SMC6: variants seen among roughly 807,000 people sequenced by gnomAD.
The protein encoded by SMC6 is structural maintenance of chromosomes protein 6.
Under a neutral mutation model 142.2 loss-of-function variants are expected in SMC6, and 79 were observed. The observed-to-expected ratio is 0.56, with a 90% CI of 0.46 to 0.67. The LOEUF (loss-of-function observed/expected upper bound fraction) is 0.67, where lower values mean the gene tolerates loss of function less well. Among genes scored for constraint, SMC6 ranks in the 30% least tolerant of loss-of-function variants. The probability of loss-of-function intolerance (pLI) is 0.00; values close to 1 mark genes in which losing one functional copy is unlikely to be tolerated. For missense variants in SMC6, 1,072 were observed against 1,284.0 expected (o/e 0.83, Z 2.52); for synonymous variants, 411 against 412.4 (o/e 1.00, Z 0.04).
intron 23 of SMC6, among the ~76,000 whole-genome samples, chr2:17,690,986 T>C (rs1364646676): frequency 6.6e-6 from 1 of 151,232 alleles, no homozygotes; most frequent in Admixed American, 6.6e-5. Context: ...ACATATAAAA[T>C]AATGCGCATT....
chr2:17,741,508 G>GA (rs2125073272), intron 4 of SMC6, 104 bp downstream of exon 4: 2 of 666,460 alleles, frequency 3.0e-6, no homozygotes, highest in Admixed American at 2.7e-5. Context: ...TACATCTATA[G>GA]AAAAAATACT....
Position 17,664,008 on chromosome 2 carries a change from T to C in SMC6, c.*1491A>G, listed in dbSNP as rs1320488018. 1.3e-5 allele frequency: 2 copies of C among 152,228 alleles called. No homozygotes were observed. Among genetic ancestry groups the C allele is most frequent in the Non-Finnish European group, 2.9e-5 (2 of 68,032 alleles). The allele number at this position is 152,228 out of a possible 1,614,324, so 9.4% of individuals were successfully genotyped here. Reference sequence around the variant, plus strand: ...TTCAATTCAACAAGAGATGCTGGGATACCTGAGGATTATGTTTCCCATTCT... The same window carrying C: ...TTCAATTCAACAAGAGATGCTGGGACACCTGAGGATTATGTTTCCCATTCT... On this transcript the variant is annotated 3_prime_UTR_variant, in exon 28 of 28. Coordinates refer to ENST00000448223, the MANE Select transcript of SMC6 (RefSeq NM_001142286.2).
At chr2:17,698,308 T>C (rs912721548) in intron 21 of SMC6, among the ~76,000 whole-genome samples, 2 of 152,090 alleles carry the variant, frequency 1.3e-5, no homozygotes, top group Non-Finnish European at 2.9e-5. Context: ...TTAGATCCTG[T>C]TGAGTTTTTC....
At chr2:17,720,174 T>C (rs1669300629) in intron 11 of SMC6, among the ~76,000 whole-genome samples, 1 of 152,170 alleles carries the variant, frequency 6.6e-6, no homozygotes, top group African/African-American at 2.4e-5. Context: ...AATTATGTGG[T>C]ATATGAATGA....
At chr2:17,753,430 G>A (rs1055348356) in intron 1 of SMC6, among the ~76,000 whole-genome samples, 196 bp downstream of exon 1, 11 of 97,174 alleles carry the variant, frequency 1.1e-4, no homozygotes, top group Admixed American at 1.8e-4. Flanking sequence ...GAGAGCGCGC[G>A]AAGGTGCCGC....
In SMC6 at chr2:17,701,829, C is replaced by A; in HGVS notation, c.2223G>T (p.Leu741Phe). 1 of 1,536,690 alleles carries A rather than the reference C, an allele frequency of 6.5e-7. No individual in the cohort carries two copies. The highest frequency in any genetic ancestry group is 1.2e-5 in the South Asian group (1 of 81,354). Reference protein sequence around the residue: ...EEHQSVDIATLEDEAQENKSK... With the variant: ...EEHQSVDIATFEDEAQENKSK... ...TTTAAATTGAAAAAAAGTATTTTACCAAAGTTGCAATATCTACAGACTGGT... is the reference window on the plus strand; with the variant it reads ...TTTAAATTGAAAAAAAGTATTTTACAAAAGTTGCAATATCTACAGACTGGT... Residue 741 changes from leucine (L) to phenylalanine (F), a missense_variant and splice_region_variant, in exon 20 of 28, where the codon TTG becomes TTT. Leu to Phe is a conservative substitution (Grantham distance 22). Around this residue, in one of 3 missense-constraint regions of SMC6, gnomAD observed 994 missense variants for 1,153.2 expected, o/e 0.86. Coordinates refer to ENST00000448223, the MANE Select transcript of SMC6 (RefSeq NM_001142286.2).
intron 25 of SMC6, among the ~76,000 whole-genome samples, chr2:17,671,475 G>A (rs958529474): frequency 2.6e-5 from 4 of 151,352 alleles, no homozygotes; most frequent in African/African-American, 9.7e-5. Context: ...TGGCCATGGT[G>A]GCATACTCCT....
At chr2:17,710,106 T>C (rs1389845799) in intron 16 of SMC6, among the ~76,000 whole-genome samples, 1 of 152,216 alleles carries the variant, frequency 6.6e-6, no homozygotes, top group Non-Finnish European at 1.5e-5. Flanking sequence ...GTACTGAGAC[T>C]GTGGTGCCAA....
At chr2:17,749,561 GC>G (rs1670920486) in intron 2 of SMC6, among the ~76,000 whole-genome samples, 1 of 151,824 alleles carries the variant, frequency 6.6e-6, no homozygotes, top group South Asian at 2.1e-4. Context: ...GGTGGCGCGC[GC>G]CTATAGTCCC....
intron 14 of SMC6, 75 bp downstream of exon 14, chr2:17,716,666 T>C: frequency 7.2e-7 from 1 of 1,384,298 alleles, no homozygotes; most frequent in Non-Finnish European, 9.9e-7. Context: ...CCATATTTGC[T>C]CTCTTCATAC....
chr2:17,709,073 A>G (rs1414450566), intron 16 of SMC6, among the ~76,000 whole-genome samples: 8 of 152,114 alleles, frequency 5.3e-5, no homozygotes, highest in Non-Finnish European at 8.8e-5. Context: ...TCAGATAAGG[A>G]TGCTTCAGAG....
At chr2:17,733,530 T>C (rs1670004980) in intron 5 of SMC6, among the ~76,000 whole-genome samples, 1 of 152,246 alleles carries the variant, frequency 6.6e-6, no homozygotes, top group Non-Finnish European at 1.5e-5. Context: ...TTAAGGAAAA[T>C]TGGGTGAAGG....
intron 25 of SMC6, among the ~76,000 whole-genome samples, chr2:17,674,875 T>C (rs973880383): frequency 6.6e-6 from 1 of 152,122 alleles, no homozygotes; most frequent in Non-Finnish European, 1.5e-5. Context: ...TCTTTTACCA[T>C]ATTTTACTTA....
At chr2:17,718,646 C>G (rs566090665) in intron 11 of SMC6, among the ~76,000 whole-genome samples, 1 of 152,236 alleles carries the variant, frequency 6.6e-6, no homozygotes, top group South Asian at 2.1e-4. Flanking sequence ...GTATTTTGAG[C>G]TGAGATTTTA....
chr2:17,736,484 T>C (rs1670157283), intron 5 of SMC6, among the ~76,000 whole-genome samples: 1 of 152,126 alleles, frequency 6.6e-6, no homozygotes, highest in Non-Finnish European at 1.5e-5. Context: ...GTATAAAAAA[T>C]AATTTCTTCT....
intron 20 of SMC6, among the ~76,000 whole-genome samples, chr2:17,701,033 AAATAAT>A (rs61348893): frequency 0.3 from 42,874 of 144,016 alleles, 7,053 homozygotes; most frequent in Non-Finnish European, 0.36. Flanking sequence ...CTCCGTCTCA[AAATAAT>A]AATAATAATA....
chr2:17,751,565 GGA>G (rs1671040611), intron 2 of SMC6, among the ~76,000 whole-genome samples: 1 of 152,092 alleles, frequency 6.6e-6, no homozygotes, highest in Non-Finnish European at 1.5e-5. Flanking sequence ...CAGTAGTAAA[GGA>G]TACTCTGCAA....
intron 9 of SMC6, among the ~76,000 whole-genome samples, chr2:17,724,105 A>G (rs1372492006): frequency 6.6e-6 from 1 of 152,112 alleles, no homozygotes; most frequent in Non-Finnish European, 1.5e-5. Context: ...TCAAGTCCTG[A>G]TTAATTATAT....
rs531509340 is a variant in SMC6 at position 17,664,369 on chromosome 2, G to C, written c.*1130C>G. The C allele has an allele frequency of 6.6e-6, 1 of 152,226 alleles. No individual in the cohort carries two copies. The highest frequency in any genetic ancestry group is 1.9e-4 in the East Asian group (1 of 5,186). The allele number at this position is 152,226 out of a possible 1,614,324, so 9.4% of individuals were successfully genotyped here. ...CCACCAAAAACACAAACAAAGTCCA[G>C]TTTTCCTCAATAACTAGAGAACAGT... On this transcript the variant is annotated 3_prime_UTR_variant, in exon 28 of 28. Coordinates refer to ENST00000448223, the MANE Select transcript of SMC6 (RefSeq NM_001142286.2).
Sources: gnomAD v4.1 joint callset for allele counts (sites outside exome capture counted in the v4.1 genomes callset) on GRCh38, gnomAD v4.1.1 for gene constraint, gnomAD v4.1.1 regional missense constraint, MANE v1.5 for transcripts, NCBI Gene and HGNC (gene_info 2026-07-23, HGNC 2026-07-21) for gene names.